BTBD9: variants seen among roughly 807,000 people sequenced by gnomAD.
BTBD9 encodes the protein BTB domain containing 9, also known as BTB/POZ domain-containing protein 9.
In BTBD9, 49 loss-of-function variants were observed where a neutral mutation model predicts 64.3. The ratio of observed to expected loss-of-function variants is 0.76; its 90% confidence interval spans 0.61 to 0.97. The LOEUF (loss-of-function observed/expected upper bound fraction) is 0.97. BTBD9 is among the 50% of genes least tolerant of loss of function. BTBD9 has a pLI of 0.00. For synonymous variants in BTBD9, 260 were observed against 274.7 expected, an observed-to-expected ratio of 0.95 and a Z score of 0.53; for missense variants, 598 against 762.1, an observed-to-expected ratio of 0.78 and a Z score of 2.53.
At chr6:38,219,437 C>A (rs1204993737) in intron 9 of BTBD9, among the ~76,000 whole-genome samples, 1 of 151,828 alleles carries the variant, frequency 6.6e-6, no homozygotes, top group Non-Finnish European at 1.5e-5. Context: ...CCACCATGCC[C>A]GGCCTCACTT....
chr6:38,256,490 C>T lies in BTBD9; in HGVS notation c.1481G>A (p.Arg494Gln), dbSNP rs867692289. 1 of 1,613,606 alleles carries T rather than the reference C, an allele frequency of 6.2e-7. No individual in the cohort carries two copies. The highest frequency in any genetic ancestry group is 2.2e-5 in the East Asian group (1 of 44,878). ...IRLLLWDCDDRSYSYYVEVST... is the reference protein window; with the variant it reads ...IRLLLWDCDDQSYSYYVEVST... ...AACCTCAACGTAGTAGCTATAGCTT[C>T]GATCATCACAATCCCAAAGTAGTAA... The change falls in exon 9 of 11, where the codon CGA (arginine) becomes CAA (glutamine). Residue 494 changes from arginine (R) to glutamine (Q), a missense_variant. Coordinates refer to ENST00000481247, the MANE Select transcript of BTBD9 (RefSeq NM_001099272.2).
chr6:38,198,219 G>A (rs1039220417), intron 9 of BTBD9, among the ~76,000 whole-genome samples: 3 of 152,244 alleles, frequency 2.0e-5, no homozygotes, highest in African/African-American at 7.2e-5. Flanking sequence ...GCAGGAATTT[G>A]CTGGAGATGG....
At chr6:38,593,892 G>T in intron 3 of BTBD9, 72 bp downstream of exon 3, 1 of 1,277,056 alleles carries the variant, frequency 7.8e-7, no homozygotes, top group Non-Finnish European at 1.1e-6. Flanking sequence ...TTAGTCCATT[G>T]CTATACTTCT....
chr6:38,334,031 C>A (rs1763784803), intron 7 of BTBD9, among the ~76,000 whole-genome samples: 1 of 152,130 alleles, frequency 6.6e-6, no homozygotes, highest in African/African-American at 2.4e-5. Flanking sequence ...GTCTCAGATG[C>A]AGATGAGGAA....
At chr6:38,285,373 T>C (rs1377949043) in intron 8 of BTBD9, among the ~76,000 whole-genome samples, 1 of 152,114 alleles carries the variant, frequency 6.6e-6, no homozygotes, top group African/African-American at 2.4e-5. Flanking sequence ...AGTTTTTGGC[T>C]CAAGTAATGG....
At chr6:38,587,915 C>A (rs975802082) in intron 4 of BTBD9, 3 of 720,940 alleles carry the variant, frequency 4.2e-6, no homozygotes, top group Non-Finnish European at 7.9e-6. Context: ...GGTTTCAGGG[C>A]AACCCAGTGC....
chr6:38,598,185 C>G, intron 1 of BTBD9, 64 bp from the exon 2 acceptor site: 1 of 1,253,400 alleles, frequency 8.0e-7, no homozygotes, highest in South Asian at 1.5e-5. Context: ...AAATCACTTA[C>G]CATAAACACA....
At chr6:38,191,661 C>A (rs1454082243) in intron 10 of BTBD9, among the ~76,000 whole-genome samples, 1 of 152,130 alleles carries the variant, frequency 6.6e-6, no homozygotes, top group African/African-American at 2.4e-5. Flanking sequence ...GTAGAGAGGG[C>A]AGTGATCATG....
intron 10 of BTBD9, among the ~76,000 whole-genome samples, chr6:38,185,623 C>T (rs1021021605): frequency 3.3e-5 from 5 of 152,172 alleles, no homozygotes; most frequent in African/African-American, 1.2e-4. Flanking sequence ...TGCTATAAGG[C>T]ACAGTTTTCC....
intron 6 of BTBD9, among the ~76,000 whole-genome samples, chr6:38,419,649 T>G (rs897873224): frequency 6.6e-6 from 1 of 152,144 alleles, no homozygotes; most frequent in Non-Finnish European, 1.5e-5. Flanking sequence ...GGCGGGCGGA[T>G]CACCTAAGGT....
chr6:38,222,254 G>GTT (rs771737210), intron 9 of BTBD9, among the ~76,000 whole-genome samples: 15,070 of 96,034 alleles, frequency 0.16, 3,711 homozygotes, highest in East Asian at 0.71. Flanking sequence ...AATTCATTCA[G>GTT]TTGTTTTTTT....
At chr6:38,484,549 T>A (rs1309440822) in intron 6 of BTBD9, among the ~76,000 whole-genome samples, 1 of 152,200 alleles carries the variant, frequency 6.6e-6, no homozygotes, top group Non-Finnish European at 1.5e-5. Flanking sequence ...AAGCCTGATC[T>A]CCTTTGACAT....
At chr6:38,627,106 A>T (rs982736923) in intron 1 of BTBD9, among the ~76,000 whole-genome samples, 6 of 152,254 alleles carry the variant, frequency 3.9e-5, no homozygotes, top group African/African-American at 1.4e-4. Context: ...ACTTTAAAGC[A>T]GCAAATGAAC....
At chr6:38,584,236 G>A (rs760137124) in intron 4 of BTBD9, among the ~76,000 whole-genome samples, 77 of 152,178 alleles carry the variant, frequency 5.1e-4, no homozygotes, top group Admixed American at 1.8e-3. Context: ...GCCAAGGCAG[G>A]AGAATCACTT....
intron 6 of BTBD9, among the ~76,000 whole-genome samples, chr6:38,514,625 C>T (rs1171600410): frequency 6.6e-6 from 1 of 152,092 alleles, no homozygotes; most frequent in African/African-American, 2.4e-5. Flanking sequence ...CTTCACAGAA[C>T]CAACCACTCA....
intron 9 of BTBD9, among the ~76,000 whole-genome samples, chr6:38,233,243 C>G (rs1228195537): frequency 1.3e-5 from 2 of 152,168 alleles, no homozygotes; most frequent in Non-Finnish European, 2.9e-5. Flanking sequence ...CTCCTTCATT[C>G]CTAAATTCAT....
chr6:38,255,436 A>G (rs1764542034), intron 9 of BTBD9, among the ~76,000 whole-genome samples: 1 of 152,240 alleles, frequency 6.6e-6, no homozygotes, highest in African/African-American at 2.4e-5. Flanking sequence ...ATTATATATC[A>G]ATTTTAAAAA....
At chr6:38,579,869 G>A (rs1776210861) in intron 5 of BTBD9, among the ~76,000 whole-genome samples, 1 of 152,016 alleles carries the variant, frequency 6.6e-6, no homozygotes, top group Non-Finnish European at 1.5e-5. Context: ...GCAGGTTTCT[G>A]TTTTGTGTGT....
intron 6 of BTBD9, among the ~76,000 whole-genome samples, chr6:38,407,794 CA>C (rs1644022383): frequency 6.6e-6 from 1 of 152,112 alleles, no homozygotes; most frequent in Non-Finnish European, 1.5e-5. Context: ...CCTGAAGTAG[CA>C]ATGGAAATAA....
Sources: allele counts gnomAD v4.1 joint callset (sites outside exome capture counted in the v4.1 genomes callset), GRCh38; gene constraint gnomAD v4.1.1; transcripts MANE v1.5; gene names NCBI Gene and HGNC (gene_info 2026-07-23, HGNC 2026-07-21).